The following ATRNL1 variants were observed in gnomAD, a reference collection of about 807,000 sequenced individuals.
ATRNL1 encodes attractin like 1.
Under a neutral mutation model 182.7 loss-of-function variants are expected in ATRNL1, and 95 were observed. That is an observed-to-expected ratio of 0.52 (90% CI 0.44 to 0.62). The LOEUF (loss-of-function observed/expected upper bound fraction) is 0.62. Among genes scored for constraint, ATRNL1 ranks in the 20% least tolerant of loss-of-function variants. The pLI, the probability that ATRNL1 is intolerant of heterozygous loss-of-function variation, is 0.00. For missense variants in ATRNL1, 1,471 were observed against 1,679.5 expected (o/e 0.88, Z 2.17); for synonymous variants, 576 against 568.3 (o/e 1.01, Z -0.19).
chr10:115,134,294 A>T (rs1346210193), intron 5 of ATRNL1, among the ~76,000 whole-genome samples: 2 of 152,222 alleles, frequency 1.3e-5, no homozygotes, highest in Non-Finnish European at 2.9e-5. Context: ...CATTAGCAAG[A>T]CTAATAAAGA....
intron 25 of ATRNL1, among the ~76,000 whole-genome samples, chr10:115,534,071 G>A (rs1285761540): frequency 6.6e-6 from 1 of 152,002 alleles, no homozygotes; most frequent in Non-Finnish European, 1.5e-5. Flanking sequence ...TGAAAAAAAT[G>A]TATATTCTGT....
At chr10:115,323,626 T>A (rs1832128509) in intron 18 of ATRNL1, among the ~76,000 whole-genome samples, 1 of 151,878 alleles carries the variant, frequency 6.6e-6, no homozygotes, top group African/African-American at 2.4e-5. Flanking sequence ...GTATTTTTAG[T>A]AGAGACAGAG....
chr10:115,722,670 T>C (rs961812779), intron 26 of ATRNL1, among the ~76,000 whole-genome samples: 1 of 152,164 alleles, frequency 6.6e-6, no homozygotes, highest in Non-Finnish European at 1.5e-5. Context: ...CAAAATCATT[T>C]TGAGTGCTCT....
At chr10:115,921,966 G>A (rs1953077590) in intron 28 of ATRNL1, among the ~76,000 whole-genome samples, 1 of 152,160 alleles carries the variant, frequency 6.6e-6, no homozygotes. Flanking sequence ...ACATTAGTCA[G>A]CTTCCCTGCC....
intron 13 of ATRNL1, among the ~76,000 whole-genome samples, chr10:115,280,064 A>G (rs1411348686): frequency 6.6e-6 from 1 of 152,188 alleles, no homozygotes; most frequent in Non-Finnish European, 1.5e-5. Flanking sequence ...AAATTTCTCT[A>G]CAAACTGTTG....
At chr10:115,312,828 TTTGA>T (rs1205863210) in intron 17 of ATRNL1, among the ~76,000 whole-genome samples, 2 of 152,096 alleles carry the variant, frequency 1.3e-5, no homozygotes, top group East Asian at 1.9e-4. Flanking sequence ...TTTATTTTTG[TTTGA>T]TTGGTATAAT....
At chr10:115,252,361 T>G (rs1349915426) in intron 10 of ATRNL1, among the ~76,000 whole-genome samples, 1 of 152,114 alleles carries the variant, frequency 6.6e-6, no homozygotes, top group Non-Finnish European at 1.5e-5. Context: ...TATACTCTCT[T>G]TCTTTCCTTA....
chr10:115,148,624 G>A (rs1846073311), intron 5 of ATRNL1, among the ~76,000 whole-genome samples: 1 of 151,970 alleles, frequency 6.6e-6, no homozygotes, highest in South Asian at 2.1e-4. Flanking sequence ...TCGAAGACGT[G>A]GACACACAAT....
At chr10:115,135,402 G>C (rs945595419) in intron 5 of ATRNL1, among the ~76,000 whole-genome samples, 9 of 152,146 alleles carry the variant, frequency 5.9e-5, no homozygotes, top group South Asian at 4.1e-4. Context: ...CATTCAAACA[G>C]AGAGCCAAAT....
intron 28 of ATRNL1, among the ~76,000 whole-genome samples, chr10:115,887,503 A>T (rs1409205483): frequency 1.3e-5 from 2 of 152,080 alleles, no homozygotes; most frequent in Non-Finnish European, 2.9e-5. Flanking sequence ...TTATAAGGGC[A>T]CTGGTCCATT....
intron 19 of ATRNL1, among the ~76,000 whole-genome samples, chr10:115,351,672 T>G (rs1229187519): frequency 6.6e-6 from 1 of 152,154 alleles, no homozygotes; most frequent in Non-Finnish European, 1.5e-5. Flanking sequence ...TTGAAATCAG[T>G]TTGCTGAATT....
chr10:115,549,994 G>A (rs1554995135), intron 26 of ATRNL1, among the ~76,000 whole-genome samples: 1 of 151,356 alleles, frequency 6.6e-6, no homozygotes, highest in Non-Finnish European at 1.5e-5. Flanking sequence ...TCCATTTTCT[G>A]ATTATCTAAT....
chr10:115,788,939 T>C (rs1231501028), intron 27 of ATRNL1, among the ~76,000 whole-genome samples: 1 of 152,232 alleles, frequency 6.6e-6, no homozygotes, highest in African/African-American at 2.4e-5. Context: ...GTTCTTTCAT[T>C]CCTAGAAATA....
chr10:115,257,758 T>G (rs1851217640), intron 10 of ATRNL1, among the ~76,000 whole-genome samples: 2 of 152,336 alleles, frequency 1.3e-5, no homozygotes, highest in South Asian at 4.1e-4. Context: ...TTTGTTTCTT[T>G]CCATGTTTAG....
chr10:115,914,475 AC>A (rs1952783919), intron 28 of ATRNL1, among the ~76,000 whole-genome samples: 1 of 152,086 alleles, frequency 6.6e-6, no homozygotes, highest in South Asian at 2.1e-4. Context: ...GCAGATGGAG[AC>A]TGGTTTATGC....
At chr10:115,301,248 G>A (rs1564892288) in intron 16 of ATRNL1, among the ~76,000 whole-genome samples, 2 of 151,782 alleles carry the variant, frequency 1.3e-5, no homozygotes, top group Non-Finnish European at 1.5e-5. Context: ...CTTCTTTGGG[G>A]TATATATATA....
chr10:115,832,844 C>G (rs1950589235), intron 27 of ATRNL1, among the ~76,000 whole-genome samples: 1 of 152,132 alleles, frequency 6.6e-6, no homozygotes, highest in Non-Finnish European at 1.5e-5. Context: ...ATACTCACAC[C>G]TGAATCCCCT....
intron 19 of ATRNL1, among the ~76,000 whole-genome samples, chr10:115,356,443 T>C (rs981258525): frequency 4.6e-5 from 7 of 152,046 alleles, no homozygotes; most frequent in Non-Finnish European, 1.0e-4. Flanking sequence ...AGAGAGGCCA[T>C]CCTTTTGAGC....
chr10:115,209,805 A>G (rs1262492990), intron 8 of ATRNL1, among the ~76,000 whole-genome samples: 2 of 151,964 alleles, frequency 1.3e-5, no homozygotes, highest in Non-Finnish European at 2.9e-5. Flanking sequence ...TACATTTCCA[A>G]ATGCAAAACA....
Sources: allele counts gnomAD v4.1 joint callset (sites outside exome capture counted in the v4.1 genomes callset), GRCh38; gene constraint gnomAD v4.1.1; transcripts MANE v1.5; gene names NCBI Gene and HGNC (gene_info 2026-07-23, HGNC 2026-07-21).